TRPM1: variants seen among roughly 807,000 people sequenced by gnomAD.
TRPM1 encodes transient receptor potential cation channel subfamily M member 1.
Under a neutral mutation model 149.4 loss-of-function variants are expected in TRPM1, and 113 were observed. That is an observed-to-expected ratio of 0.76 (90% CI 0.65 to 0.88). The LOEUF (loss-of-function observed/expected upper bound fraction) is 0.88, where lower values mean the gene tolerates loss of function less well. Among genes scored for constraint, TRPM1 ranks in the 40% least tolerant of loss-of-function variants. The pLI is 0.00. For synonymous variants in TRPM1, 741 were observed against 759.5 expected, an observed-to-expected ratio of 0.98 and a Z score of 0.40; for missense variants, 1,976 against 2,038.7, an observed-to-expected ratio of 0.97 and a Z score of 0.59.
rs1478206619 is a variant in TRPM1 at position 31,028,489 on chromosome 15, A to T, written c.3149-13T>A. On this transcript the variant is annotated splice_polypyrimidine_tract_variant and intron_variant, in intron 24 of 27. Coordinates refer to ENST00000256552, the MANE Select transcript of TRPM1 (RefSeq NM_001252024.2). Reference sequence around the variant, plus strand: ...TCACCACAAGGAGCTGAAAGAAAAAAATAGTTTTGTCTTTGCTTTTTACAT... The same window carrying T: ...TCACCACAAGGAGCTGAAAGAAAAATATAGTTTTGTCTTTGCTTTTTACAT... 6.2e-7 allele frequency: 1 copy of T among 1,613,784 alleles called. No individual in the cohort carries two copies. Among genetic ancestry groups the T allele is most frequent in the African/African-American group, 1.3e-5 (1 of 74,920 alleles).
intron 1 of TRPM1, among the ~76,000 whole-genome samples, chr15:31,112,836 CT>C (rs200756621): frequency 9.7e-4 from 148 of 152,320 alleles, no homozygotes; most frequent in African/African-American, 3.0e-3. Context: ...CTGAGAAGTC[CT>C]GCCACAAAGA....
At chr15:31,131,276 C>T (rs945368730) in intron 1 of TRPM1, among the ~76,000 whole-genome samples, 2 of 152,036 alleles carry the variant, frequency 1.3e-5, no homozygotes, top group Non-Finnish European at 2.9e-5. Flanking sequence ...AGCCCCAACG[C>T]GCAAAAGTAG....
chr15:31,047,352 G>A, intron 14 of TRPM1, 101 bp from the exon 15 acceptor site: 5 of 1,336,712 alleles, frequency 3.7e-6, no homozygotes, highest in East Asian at 4.7e-5. Flanking sequence ...CCCCACTTGG[G>A]AGTTCATGTA....
chr15:31,032,794 G>T lies in TRPM1; in HGVS notation c.2847C>A (p.Gly949=), dbSNP rs1308400595. The change falls in exon 22 of 28, where the codon GGC becomes GGA. Residue 949 remains glycine (G), a synonymous_variant. Coordinates refer to ENST00000256552, the MANE Select transcript of TRPM1 (RefSeq NM_001252024.2). ...TGATATCCACACAGTAGATCACCCG[G>T]CCATAGCCCATGTAGGGCTGGTTCT... ...RLQNQPYMGY[G]RVIYCVDIIF... is the part of the protein sequence containing the mutation. 1 of 1,614,188 alleles carries T rather than the reference G, an allele frequency of 6.2e-7. No homozygotes were observed. Among genetic ancestry groups the T allele is most frequent in the Non-Finnish European group, 8.5e-7 (1 of 1,180,044 alleles).
intron 2 of TRPM1, 31 bp from the exon 3 acceptor site, chr15:31,077,015 C>G (rs748785040): frequency 1.4e-6 from 2 of 1,450,734 alleles, no homozygotes; most frequent in South Asian, 1.1e-5. Context: ...GATATTGGAC[C>G]AATACATTCC....
chr15:31,063,608 A>T (rs185183460), intron 7 of TRPM1, among the ~76,000 whole-genome samples: 118 of 152,108 alleles, frequency 7.8e-4, no homozygotes, highest in African/African-American at 2.8e-3. Context: ...CTATGGGCAC[A>T]TGCCACCACA....
intron 4 of TRPM1, 96 bp from the exon 5 acceptor site, chr15:31,068,188 CCTGGCTTGT>C (rs2034436496): frequency 2.7e-6 from 3 of 1,116,650 alleles, no homozygotes; most frequent in Non-Finnish European, 4.1e-6. Flanking sequence ...GCAAGAACTG[CCTGGCTTGT>C]CTCTTCCTCA....
At chr15:31,091,945 A>G (rs994624599) in intron 1 of TRPM1, among the ~76,000 whole-genome samples, 1 of 152,246 alleles carries the variant, frequency 6.6e-6, no homozygotes, top group African/African-American at 2.4e-5. Context: ...CTCAACTGTT[A>G]GCTTGCAAAG....
chr15:31,089,898 G>C (rs1001705594), intron 1 of TRPM1, among the ~76,000 whole-genome samples: 1 of 152,208 alleles, frequency 6.6e-6, no homozygotes, highest in African/African-American at 2.4e-5. Context: ...TGTCACCTGG[G>C]GCAGAGGATC....
chr15:31,137,129 C>A (rs771434955), intron 1 of TRPM1, among the ~76,000 whole-genome samples: 1 of 152,162 alleles, frequency 6.6e-6, no homozygotes, highest in Non-Finnish European at 1.5e-5. Context: ...CACCACCTTT[C>A]GGTTTGCAGT....
chr15:31,081,278 A>T, intron 2 of TRPM1, 75 bp downstream of exon 2: 7 of 686,592 alleles, frequency 1.0e-5, no homozygotes, highest in African/African-American at 2.0e-5. Flanking sequence ...CCTAATAAAA[A>T]CGCTAGCATG....
At chr15:31,149,296 G>A (rs1041948588) in intron 1 of TRPM1, among the ~76,000 whole-genome samples, 8 of 152,170 alleles carry the variant, frequency 5.3e-5, no homozygotes, top group African/African-American at 1.9e-4. Context: ...AGCTACTGCT[G>A]CAAGAAAACA....
chr15:31,058,687 T>C (rs568427716), intron 11 of TRPM1, among the ~76,000 whole-genome samples: 2 of 151,512 alleles, frequency 1.3e-5, no homozygotes, highest in East Asian at 3.9e-4. Context: ...GAAGGAGGAG[T>C]ATGGAGTGAA....
chr15:31,022,975 T>C (rs1018113001), intron 27 of TRPM1, among the ~76,000 whole-genome samples: 5 of 152,222 alleles, frequency 3.3e-5, no homozygotes, highest in Non-Finnish European at 4.4e-5. Flanking sequence ...TGAGACCTGA[T>C]TGTGCCACTG....
At chr15:31,018,758 C>A (rs1267252077) in intron 27 of TRPM1, among the ~76,000 whole-genome samples, 2 of 152,218 alleles carry the variant, frequency 1.3e-5, no homozygotes, top group African/African-American at 4.8e-5. Context: ...CTCCGCCTCT[C>A]CGGTTCAAGT....
Position 31,091,177 on chromosome 15 carries a change from TG to T in TRPM1, c.-83-9740del, listed in dbSNP as rs201658772. 8.2e-3 allele frequency among the ~76,000 whole-genome samples: 1,245 copies of T among 152,272 alleles called. 18 individuals are homozygous for T. The highest frequency in any genetic ancestry group is 0.028 in the African/African-American group (1,178 of 41,560). On this transcript the variant is annotated intron_variant, in intron 1 of 27. Transcript: ENST00000256552. The stretch of plus-strand genomic sequence containing the variant: ...CATGGCCGAGGAAGCAGCAGGCCAG[TG>T]GGATGGCAGAGCTGAGAGTGAAACC...
chr15:31,089,810 C>T (rs1360835871), intron 1 of TRPM1, among the ~76,000 whole-genome samples: 4 of 152,128 alleles, frequency 2.6e-5, no homozygotes, highest in African/African-American at 9.7e-5. Context: ...TTTTGGGCCC[C>T]AGAACACCGC....
At chr15:31,092,566 C>A (rs2035268258) in intron 1 of TRPM1, among the ~76,000 whole-genome samples, 1 of 152,224 alleles carries the variant, frequency 6.6e-6, no homozygotes, top group Non-Finnish European at 1.5e-5. Flanking sequence ...GAGCCTTCCC[C>A]TTTCAGGAGG....
intron 11 of TRPM1, among the ~76,000 whole-genome samples, chr15:31,059,990 A>G (rs1035748632): frequency 6.6e-6 from 1 of 151,688 alleles, no homozygotes; most frequent in Admixed American, 6.6e-5. Context: ...CACACACACA[A>G]TACCCTCCCA....
Sources: allele counts gnomAD v4.1 joint callset (sites outside exome capture counted in the v4.1 genomes callset), GRCh38; gene constraint gnomAD v4.1.1; transcripts MANE v1.5; gene names NCBI Gene and HGNC (gene_info 2026-07-23, HGNC 2026-07-21).